Variants in DPYD observed in about 807,000 individuals in gnomAD.
The protein encoded by DPYD is dihydropyrimidine dehydrogenase, also known as dihydropyrimidine dehydrogenase [NADP(+)].
In DPYD, 109 loss-of-function variants were observed where a neutral mutation model predicts 116.2. That is an observed-to-expected ratio of 0.94 (90% CI 0.80 to 1.10). DPYD has a LOEUF of 1.10. Ranked by LOEUF, DPYD falls within the 50% of genes least tolerant of loss-of-function variation. The pLI, the probability that DPYD is intolerant of heterozygous loss-of-function variation, is 0.00. For missense variants in DPYD, 1,302 were observed against 1,254.5 expected, an observed-to-expected ratio of 1.04 and a Z score of -0.57; for synonymous variants, 440 against 432.0, an observed-to-expected ratio of 1.02 and a Z score of -0.23.
chr1:97,846,213 G>C (rs1031665806), intron 2 of DPYD, among the ~76,000 whole-genome samples: 19 of 152,304 alleles, frequency 1.2e-4, no homozygotes, highest in African/African-American at 4.1e-4. Flanking sequence ...CACTGGGATG[G>C]TGGCACAACC....
chr1:97,421,297 T>G (rs1674566694), intron 14 of DPYD, among the ~76,000 whole-genome samples: 1 of 152,286 alleles, frequency 6.6e-6, no homozygotes, highest in East Asian at 1.9e-4. Context: ...TCTTCATGTA[T>G]TGTATCAAAT....
At chr1:97,656,501 C>A (rs756421069) in intron 8 of DPYD, among the ~76,000 whole-genome samples, 2 of 152,146 alleles carry the variant, frequency 1.3e-5, no homozygotes, top group Non-Finnish European at 2.9e-5. Context: ...CAGTAGTACA[C>A]ATTATGATAC....
intron 8 of DPYD, among the ~76,000 whole-genome samples, chr1:97,676,177 CAG>C (rs1478870013): frequency 3.3e-5 from 5 of 152,130 alleles, no homozygotes; most frequent in African/African-American, 1.2e-4. Context: ...ACACCTGTAA[CAG>C]AGACTTTCAT....
chr1:97,108,635 T>A (rs77490973), intron 20 of DPYD, among the ~76,000 whole-genome samples: 7,445 of 152,206 alleles, frequency 0.049, 420 homozygotes, highest in African/African-American at 0.14. Context: ...CTATTTTACC[T>A]CATTACTAAA....
In DPYD at chr1:97,245,459, C is replaced by G. The variant is rs567087564; in HGVS notation, c.2300-10465G>C. On this transcript the variant is annotated intron_variant, in intron 18 of 22. Transcript: ENST00000370192. ...AACTATTTAAAAAAGACATATTTCC[C>G]CAGCCAAGAAATTATTCTCACCTAT... 7.2e-5 allele frequency among the ~76,000 whole-genome samples: 11 copies of G among 152,136 alleles called. No individual in the cohort carries two copies. In the South Asian group the frequency reaches 1.9e-3, roughly 26 times the overall value.
chr1:97,133,360 CT>C lies in DPYD; in HGVS notation c.2623-34729del, dbSNP rs1653480623. 2.0e-5 allele frequency among the ~76,000 whole-genome samples: 3 copies of C among 152,108 alleles called. No homozygotes were observed. In the South Asian group the frequency reaches 6.2e-4, roughly 32 times the overall value. ...GGTATCATAGCTTTATTTTATTCTA[CT>C]TTTTTTATTTGAAAAAATAACTTTT... On this transcript the variant is annotated intron_variant, in intron 20 of 22. Coordinates refer to ENST00000370192, the MANE Select transcript of DPYD (RefSeq NM_000110.4).
intron 13 of DPYD, among the ~76,000 whole-genome samples, chr1:97,493,244 A>G (rs142797477): frequency 1.2e-3 from 178 of 152,292 alleles, no homozygotes; most frequent in African/African-American, 3.8e-3. Flanking sequence ...GCAACCTATA[A>G]TGTTGGGACA....
chr1:97,608,046 G>T (rs1462453751), intron 8 of DPYD, among the ~76,000 whole-genome samples: 2 of 151,870 alleles, frequency 1.3e-5, no homozygotes, highest in Admixed American at 6.6e-5. Flanking sequence ...AAGAAGAAAG[G>T]GGAAAACTCT....
chr1:97,484,130 C>T (rs1489228442), intron 13 of DPYD, among the ~76,000 whole-genome samples: 1 of 152,144 alleles, frequency 6.6e-6, no homozygotes, highest in Non-Finnish European at 1.5e-5. Context: ...CATGGCAAAA[C>T]CCCGTCTCTA....
intron 11 of DPYD, among the ~76,000 whole-genome samples, chr1:97,567,613 C>A (rs1652614702): frequency 6.6e-6 from 1 of 152,120 alleles, no homozygotes; most frequent in Non-Finnish European, 1.5e-5. Flanking sequence ...AGTCCCTCAC[C>A]ATTCATCCTA....
At chr1:97,323,868 A>G (rs913848346) in intron 16 of DPYD, among the ~76,000 whole-genome samples, 2 of 151,770 alleles carry the variant, frequency 1.3e-5, no homozygotes, top group African/African-American at 4.8e-5. Flanking sequence ...AAGCATTGGT[A>G]GGACACAGGA....
At chr1:97,789,788 A>T (rs1051584307) in intron 3 of DPYD, among the ~76,000 whole-genome samples, 2 of 152,224 alleles carry the variant, frequency 1.3e-5, no homozygotes, top group Admixed American at 6.5e-5. Flanking sequence ...CTCCGTGTCC[A>T]CAAATCACTC....
At position 97,627,819 on chromosome 1, in the gene DPYD, A is replaced by T. The variant is rs558067035; in HGVS notation, c.851-32653T>A. On this transcript the variant is annotated intron_variant, in intron 8 of 22. Coordinates refer to ENST00000370192, the MANE Select transcript of DPYD (RefSeq NM_000110.4). ...CTGATATAACATTACTAATAGTATT[A>T]TATATTAATATTATATAAAACACAT... 2.0e-5 allele frequency among the ~76,000 whole-genome samples: 3 copies of T among 151,500 alleles called. No individual in the cohort carries two copies. In the East Asian group the frequency reaches 5.8e-4, roughly 29 times the overall value.
At chr1:97,208,293 C>CTT (rs1219717263) in intron 19 of DPYD, among the ~76,000 whole-genome samples, 2 of 119,494 alleles carry the variant, frequency 1.7e-5, no homozygotes, top group Admixed American at 8.4e-5. Context: ...CTCTCTCTTT[C>CTT]TTTTTTTTTT....
At chr1:97,262,497 G>C (rs1393509267) in intron 18 of DPYD, among the ~76,000 whole-genome samples, 1 of 151,862 alleles carries the variant, frequency 6.6e-6, no homozygotes, top group African/African-American at 2.4e-5. Context: ...ATAAAAATGG[G>C]TTACATTTTC....
chr1:97,159,162 T>G (rs1339737489), intron 20 of DPYD, among the ~76,000 whole-genome samples: 1 of 152,128 alleles, frequency 6.6e-6, no homozygotes, highest in African/African-American at 2.4e-5. Flanking sequence ...TTATTATAAC[T>G]GTGCTCAGAA....
chr1:97,881,288 A>G (rs1011975623), intron 2 of DPYD, among the ~76,000 whole-genome samples: 3 of 151,872 alleles, frequency 2.0e-5, no homozygotes, highest in East Asian at 1.9e-4. Context: ...AAAGTGAAAA[A>G]CTCAGGGAGA....
At chr1:97,610,985 A>ATG (rs1557835770) in intron 8 of DPYD, among the ~76,000 whole-genome samples, 2 of 149,726 alleles carry the variant, frequency 1.3e-5, no homozygotes, top group Non-Finnish European at 1.5e-5. Context: ...GTGTATATAT[A>ATG]TATGTGTGTG....
In DPYD at chr1:97,858,790, A is replaced by G. The variant is rs1449958636; in HGVS notation, c.150+24474T>C. Among the ~76,000 whole-genome samples, 5 of 152,310 alleles carry G rather than the reference A, an allele frequency of 3.3e-5. No individual in the cohort carries two copies. In the East Asian group the frequency reaches 7.7e-4, roughly 23 times the overall value. On this transcript the variant is annotated intron_variant, in intron 2 of 22. Coordinates refer to ENST00000370192, the MANE Select transcript of DPYD (RefSeq NM_000110.4). ...AATTAAGTATTATCAAATCTTTGCTACTGTCAAAACAATTTTAATAGTAGT... is the reference window on the plus strand; with the variant it reads ...AATTAAGTATTATCAAATCTTTGCTGCTGTCAAAACAATTTTAATAGTAGT...
Sources: gnomAD v4.1 joint callset for allele counts (sites outside exome capture counted in the v4.1 genomes callset) on GRCh38, gnomAD v4.1.1 for gene constraint, MANE v1.5 for transcripts, NCBI Gene and HGNC (gene_info 2026-07-23, HGNC 2026-07-21) for gene names.